Variants in SHTN1 observed in about 807,000 individuals in gnomAD.
SHTN1 encodes the protein shootin 1.
SHTN1 carries 42 observed loss-of-function variants against 83.1 expected under a neutral mutation model. That is an observed-to-expected ratio of 0.51 (90% CI 0.39 to 0.65). The LOEUF (loss-of-function observed/expected upper bound fraction) is 0.65, where lower values mean the gene tolerates loss of function less well. Ranked by LOEUF, SHTN1 falls within the 30% of genes least tolerant of loss-of-function variation. SHTN1 has a pLI of 0.00. For missense variants in SHTN1, 622 were observed against 737.8 expected (o/e 0.84, Z 1.82); for synonymous variants, 224 against 247.7 (o/e 0.90, Z 0.90).
intron 1 of SHTN1, among the ~76,000 whole-genome samples, chr10:117,055,194 A>G (rs1314148713): frequency 2.0e-5 from 3 of 152,134 alleles, no homozygotes; most frequent in Non-Finnish European, 2.9e-5. Flanking sequence ...AACCACCCCC[A>G]TGATCCAATC....
At chr10:116,938,818 A>C (rs1302627784) in intron 9 of SHTN1, among the ~76,000 whole-genome samples, 1 of 152,190 alleles carries the variant, frequency 6.6e-6, no homozygotes, top group Non-Finnish European at 1.5e-5. Flanking sequence ...TTTTATCTAC[A>C]AGCCCCTGAC....
chr10:116,892,857 A>G (rs1427500935), intron 16 of SHTN1, among the ~76,000 whole-genome samples: 3 of 152,224 alleles, frequency 2.0e-5, no homozygotes, highest in Non-Finnish European at 4.4e-5. Context: ...AAATAAAAGG[A>G]AACATAAACA....
intron 4 of SHTN1, 56 bp downstream of exon 4, chr10:116,960,080 G>T: frequency 1.9e-6 from 2 of 1,074,082 alleles, no homozygotes; most frequent in South Asian, 1.3e-5. Flanking sequence ...CCACTGCTTA[G>T]AAAAGCAAGT....
chr10:116,951,637 T>C (rs1019058512), intron 6 of SHTN1, among the ~76,000 whole-genome samples: 1 of 152,320 alleles, frequency 6.6e-6, no homozygotes, highest in East Asian at 1.9e-4. Context: ...TTCTTACAAA[T>C]TTGCCTTACA....
rs558218534 is a variant in SHTN1, at chr10:116,951,293, C to T, written c.534+616G>A. 1.8e-4 allele frequency among the ~76,000 whole-genome samples: 28 copies of T among 152,240 alleles called. No individual in the cohort carries two copies. In the South Asian group the frequency reaches 2.3e-3, roughly 12 times the overall value. On this transcript the variant is annotated intron_variant, in intron 6 of 16. Transcript: ENST00000355371. ...TAAAAATCAGGCAGGCGTGGTGACG[C>T]ATGCCTGTACTCTCAGCTATTTGGG... is the stretch of plus-strand genomic sequence containing the variant.
chr10:116,972,878 G>A (rs923237505), intron 2 of SHTN1, among the ~76,000 whole-genome samples: 6 of 152,158 alleles, frequency 3.9e-5, no homozygotes, highest in East Asian at 1.9e-4. Flanking sequence ...TGAATTGACC[G>A]GAGGTTGGCC....
At chr10:117,004,310 C>G (rs753521280) in intron 1 of SHTN1, among the ~76,000 whole-genome samples, 27 of 152,110 alleles carry the variant, frequency 1.8e-4, no homozygotes, top group Middle Eastern at 6.8e-3. Flanking sequence ...AGTGTGGTAA[C>G]TGATGAAAAA....
chr10:116,934,406 A>G (rs1309713434), intron 9 of SHTN1, among the ~76,000 whole-genome samples: 1 of 152,130 alleles, frequency 6.6e-6, no homozygotes, highest in East Asian at 1.9e-4. Context: ...TTTTCCCAAC[A>G]CCATTTATTA....
At position 116,884,333 on chromosome 10, in the gene SHTN1, G is replaced by A. The variant is rs372377638; in HGVS notation, c.*2011C>T. On this transcript the variant is annotated 3_prime_UTR_variant, in exon 17 of 17. Coordinates refer to ENST00000355371, the MANE Select transcript of SHTN1 (RefSeq NM_001127211.3). ...GGAAAAACTGTAGGCAGAAAAAGGT[G>A]AGTGAATATCTTCCATCAAATACCT... 8.6e-5 allele frequency: 38 copies of A among 444,368 alleles called. 1 individual carries two copies. Among genetic ancestry groups the A allele is most frequent in the South Asian group, 6.0e-4 (38 of 63,784 alleles). 27.5% of individuals were successfully genotyped at this position (444,368 alleles called of 1,614,324 possible).
chr10:117,008,976 G>A (rs1239838036), upstream of SHTN1, among the ~76,000 whole-genome samples: 5 of 152,072 alleles, frequency 3.3e-5, no homozygotes, highest in African/African-American at 1.2e-4. Context: ...TAAGCTGGGC[G>A]TGGTGGCACA....
chr10:116,949,758 T>C (rs1243589206), intron 6 of SHTN1, among the ~76,000 whole-genome samples: 2 of 152,168 alleles, frequency 1.3e-5, no homozygotes, highest in Non-Finnish European at 2.9e-5. Context: ...TGAACTCTGA[T>C]GACTCTTGGC....
intron 12 of SHTN1, among the ~76,000 whole-genome samples, chr10:116,920,970 T>C (rs1463998218): frequency 1.1e-4 from 16 of 152,208 alleles, no homozygotes; most frequent in Non-Finnish European, 1.5e-5. Flanking sequence ...TGTACTCCTC[T>C]TTAATTGTAT....
chr10:116,905,105 G>T (rs1422268604), intron 15 of SHTN1, among the ~76,000 whole-genome samples: 5 of 151,450 alleles, frequency 3.3e-5, no homozygotes, highest in African/African-American at 4.9e-5. Context: ...GGAGGCTGAG[G>T]CAGGAGAATG....
chr10:116,927,598 G>C (rs571396136), intron 11 of SHTN1, among the ~76,000 whole-genome samples, 194 bp downstream of exon 11: 38 of 152,274 alleles, frequency 2.5e-4, no homozygotes, highest in African/African-American at 7.5e-4. Flanking sequence ...CCCACGATAC[G>C]TGAGAATTGT....
intron 1 of SHTN1, among the ~76,000 whole-genome samples, chr10:116,989,667 C>A (rs1374832452): frequency 6.6e-6 from 1 of 152,164 alleles, no homozygotes; most frequent in Non-Finnish European, 1.5e-5. Flanking sequence ...ATTTACCTTC[C>A]CACATTTTCC....
chr10:116,991,531 C>T (rs1332294979), intron 1 of SHTN1, among the ~76,000 whole-genome samples: 2 of 152,102 alleles, frequency 1.3e-5, no homozygotes, highest in African/African-American at 4.8e-5. Context: ...GTGTTATGCA[C>T]TTTTCAACAA....
At chr10:116,891,697 AC>A (rs1011819958) in intron 16 of SHTN1, among the ~76,000 whole-genome samples, 1 of 152,002 alleles carries the variant, frequency 6.6e-6, no homozygotes, top group African/African-American at 2.4e-5. Flanking sequence ...TCTTTTGGAA[AC>A]CCTATTTTTC....
intron 16 of SHTN1, among the ~76,000 whole-genome samples, chr10:116,892,281 C>G (rs1188743863): frequency 2.0e-5 from 3 of 152,204 alleles, no homozygotes; most frequent in Non-Finnish European, 4.4e-5. Context: ...CTAAAATACA[C>G]TGGCACAAGG....
At chr10:116,900,030 A>T (rs1009850944) in intron 16 of SHTN1, among the ~76,000 whole-genome samples, 4 of 152,236 alleles carry the variant, frequency 2.6e-5, no homozygotes, top group African/African-American at 9.6e-5. Flanking sequence ...CAGTCTGGGT[A>T]AATAATTACC....
Sources: allele counts gnomAD v4.1 joint callset (sites outside exome capture counted in the v4.1 genomes callset), GRCh38; gene constraint gnomAD v4.1.1; transcripts MANE v1.5; gene names NCBI Gene and HGNC (gene_info 2026-07-23, HGNC 2026-07-21).